SAMD4A: variants seen among roughly 807,000 people sequenced by gnomAD.
SAMD4A encodes protein Smaug homolog 1.
A neutral mutation model predicts 81.3 loss-of-function variants in SAMD4A; 33 were observed. That is an observed-to-expected ratio of 0.41 (90% CI 0.31 to 0.54). SAMD4A has a LOEUF of 0.54. Among genes scored for constraint, SAMD4A ranks in the 20% least tolerant of loss-of-function variants. The pLI is 0.37. For synonymous variants in SAMD4A, 389 were observed against 382.1 expected, an observed-to-expected ratio of 1.02 and a Z score of -0.21; for missense variants, 854 against 951.1, an observed-to-expected ratio of 0.90 and a Z score of 1.34.
intron 4 of SAMD4A, among the ~76,000 whole-genome samples, chr14:54,743,847 A>G (rs1335318821): frequency 2.0e-5 from 3 of 152,242 alleles, no homozygotes; most frequent in South Asian, 4.1e-4. Context: ...AGGCTGGAAC[A>G]GAGTTGGGCT....
intron 2 of SAMD4A, among the ~76,000 whole-genome samples, chr14:54,608,015 CAAAAAAA>C (rs765121682): frequency 8.2e-5 from 5 of 60,710 alleles, no homozygotes; most frequent in African/African-American, 1.2e-4. Context: ...GACTCCGTCT[CAAAAAAA>C]AAAAAAAAAA....
At chr14:54,782,952 G>A (rs1259171389) in intron 11 of SAMD4A, among the ~76,000 whole-genome samples, 5 of 152,048 alleles carry the variant, frequency 3.3e-5, no homozygotes, top group African/African-American at 7.2e-5. Context: ...GGGGGACCCC[G>A]GGATGCTTTG....
chr14:54,611,875 T>TAA (rs1179117861), intron 2 of SAMD4A, among the ~76,000 whole-genome samples: 13 of 120,192 alleles, frequency 1.1e-4, no homozygotes, highest in South Asian at 5.3e-4. Context: ...AGACTCTGTC[T>TAA]AAAAAAAAAA....
At chr14:54,761,170 T>G (rs772972855) in intron 7 of SAMD4A, among the ~76,000 whole-genome samples, 1 of 152,252 alleles carries the variant, frequency 6.6e-6, no homozygotes, top group Non-Finnish European at 1.5e-5. Flanking sequence ...CAGTTCTCCG[T>G]GCTTTACCTA....
intron 3 of SAMD4A, among the ~76,000 whole-genome samples, chr14:54,723,540 T>C (rs138174103): frequency 6.6e-6 from 1 of 152,190 alleles, no homozygotes; most frequent in Non-Finnish European, 1.5e-5. Flanking sequence ...AAAACTTTCA[T>C]TAGTCCTAGA....
At chr14:54,621,035 G>A (rs2034602181) in intron 2 of SAMD4A, among the ~76,000 whole-genome samples, 2 of 152,172 alleles carry the variant, frequency 1.3e-5, no homozygotes, top group African/African-American at 4.8e-5. Context: ...GCCTCCTAAA[G>A]TTCTGGGATT....
chr14:54,702,245 C>G lies in SAMD4A; in HGVS notation c.380C>G (p.Ser127Cys). ...ATTGAGGAGAGCAGGCAGCTGCTGT[C>G]CTATGCTTTGATACATCCAGCCACT... Reference protein sequence around the residue: ...QHIEESRQLLSYALIHPATSL... With the variant: ...QHIEESRQLLCYALIHPATSL... Residue 127 changes from serine (S) to cysteine (C), a missense_variant, in exon 3 of 13, where the codon TCC becomes TGC. Physicochemically the swap from Ser to Cys is moderately radical, Grantham distance 112 (BLOSUM62 -1). Coordinates refer to ENST00000554335, the MANE Select transcript of SAMD4A (RefSeq NM_015589.6). 6.2e-7 allele frequency: 1 copy of G among 1,614,190 alleles called. No individual in the cohort carries two copies. Among genetic ancestry groups the G allele is most frequent in the Non-Finnish European group, 8.5e-7 (1 of 1,180,028 alleles).
At chr14:54,719,817 T>C (rs2037216327) in intron 3 of SAMD4A, among the ~76,000 whole-genome samples, 1 of 152,214 alleles carries the variant, frequency 6.6e-6, no homozygotes, top group Non-Finnish European at 1.5e-5. Context: ...AAGTCCTCTC[T>C]GGGTTTACAT....
chr14:54,696,445 A>G (rs548667308), intron 2 of SAMD4A, among the ~76,000 whole-genome samples: 10 of 152,346 alleles, frequency 6.6e-5, no homozygotes, highest in African/African-American at 2.2e-4. Flanking sequence ...CATTTATTTC[A>G]CCAGTACTTC....
intron 11 of SAMD4A, among the ~76,000 whole-genome samples, chr14:54,781,889 G>GT (rs1368470626): frequency 6.6e-6 from 1 of 152,226 alleles, no homozygotes; most frequent in Non-Finnish European, 1.5e-5. Flanking sequence ...GCATGGATCT[G>GT]TTTTTATCAA....
chr14:54,596,491 A>G (rs768710343), intron 2 of SAMD4A, among the ~76,000 whole-genome samples: 1 of 152,224 alleles, frequency 6.6e-6, no homozygotes, highest in South Asian at 2.1e-4. Context: ...AAGCTGAGGC[A>G]GGGGAATCGC....
In SAMD4A at chr14:54,576,070, A is replaced by G. The variant is rs142878933; in HGVS notation, c.196+7958A>G. On this transcript the variant is annotated intron_variant, in intron 2 of 12. Transcript: ENST00000554335. ...GCTATGGGCTGTAAAGTTGAGCTGGAAAGAGCAGGAATGTTCATTCCAGAG... is the reference window on the plus strand; with the variant it reads ...GCTATGGGCTGTAAAGTTGAGCTGGGAAGAGCAGGAATGTTCATTCCAGAG... Among the ~76,000 whole-genome samples, 317 of 133,470 alleles carry G rather than the reference A, an allele frequency of 2.4e-3. 1 individual carries two copies. Among genetic ancestry groups the G allele is most frequent in the African/African-American group, 8.9e-3 (300 of 33,710 alleles). 87.6% of individuals were successfully genotyped at this position (133,470 alleles called of 152,430 possible). A position where few individuals can be genotyped will look rare whatever the true frequency, so the allele number is the denominator to read the frequency against.
At chr14:54,639,548 A>G (rs2035118946) in intron 2 of SAMD4A, among the ~76,000 whole-genome samples, 1 of 152,222 alleles carries the variant, frequency 6.6e-6, no homozygotes, top group South Asian at 2.1e-4. Context: ...GGCCACATGC[A>G]GCACTGGCAG....
chr14:54,777,901 C>A (rs2038900534), intron 11 of SAMD4A, among the ~76,000 whole-genome samples: 1 of 152,194 alleles, frequency 6.6e-6, no homozygotes, highest in Non-Finnish European at 1.5e-5. Context: ...ATATGCTTAG[C>A]TATTTTTCTT....
At chr14:54,744,430 T>A (rs935832644) in intron 4 of SAMD4A, among the ~76,000 whole-genome samples, 29 of 152,238 alleles carry the variant, frequency 1.9e-4, no homozygotes, top group Middle Eastern at 3.4e-3. Context: ...TTATCTAAAT[T>A]CTAAAAAGGA....
chr14:54,765,348 G>T (rs2038508714), intron 8 of SAMD4A, among the ~76,000 whole-genome samples: 1 of 152,038 alleles, frequency 6.6e-6, no homozygotes. Context: ...AGGGGGCCGG[G>T]GTGGTGGGTC....
intron 2 of SAMD4A, among the ~76,000 whole-genome samples, chr14:54,590,248 G>A (rs1373659906): frequency 1.3e-5 from 2 of 152,148 alleles, no homozygotes; most frequent in Admixed American, 1.3e-4. Flanking sequence ...CAGCATTTTG[G>A]GAGGCCAACA....
At chr14:54,651,731 T>C (rs1187870475) in intron 2 of SAMD4A, among the ~76,000 whole-genome samples, 1 of 152,196 alleles carries the variant, frequency 6.6e-6, no homozygotes, top group Non-Finnish European at 1.5e-5. Context: ...AGGAATGATA[T>C]ATATGAGCCA....
chr14:54,785,928 G>A (rs2039128810), intron 12 of SAMD4A, among the ~76,000 whole-genome samples: 1 of 152,186 alleles, frequency 6.6e-6, no homozygotes, highest in Non-Finnish European at 1.5e-5. Flanking sequence ...TCTATAAAGA[G>A]CCTCATTTGC....
Sources: allele counts gnomAD v4.1 joint callset (sites outside exome capture counted in the v4.1 genomes callset), GRCh38; gene constraint gnomAD v4.1.1; transcripts MANE v1.5; gene names NCBI Gene and HGNC (gene_info 2026-07-23, HGNC 2026-07-21).